KCTD8: variants seen among roughly 807,000 people sequenced by gnomAD.
The protein encoded by KCTD8 is potassium channel tetramerization domain containing 8, also known as BTB/POZ domain-containing protein KCTD8.
In KCTD8, 27 loss-of-function variants were observed where a neutral mutation model predicts 31.5. That is an observed-to-expected ratio of 0.86 (90% CI 0.63 to 1.18). The LOEUF is 1.18. KCTD8 is among the 50% of genes most tolerant of loss of function. KCTD8 has a pLI of 0.00. For synonymous variants in KCTD8, 290 were observed against 280.0 expected, an observed-to-expected ratio of 1.04 and a Z score of -0.36; for missense variants, 658 against 647.7, an observed-to-expected ratio of 1.02 and a Z score of -0.17.
chr4:44,341,856 C>G (rs191314770), intron 1 of KCTD8, among the ~76,000 whole-genome samples: 1 of 152,136 alleles, frequency 6.6e-6, no homozygotes, highest in Non-Finnish European at 1.5e-5. Flanking sequence ...AATGGCAAAT[C>G]CTTTCCAGAA....
chr4:44,289,171 T>C (rs1046602656), intron 1 of KCTD8, among the ~76,000 whole-genome samples: 3 of 151,582 alleles, frequency 2.0e-5, no homozygotes, highest in Non-Finnish European at 4.4e-5. Flanking sequence ...TTCATATGTA[T>C]GTAATTCATT....
At chr4:44,369,230 C>CT (rs1719720362) in intron 1 of KCTD8, among the ~76,000 whole-genome samples, 1 of 152,142 alleles carries the variant, frequency 6.6e-6, no homozygotes, top group African/African-American at 2.4e-5. Flanking sequence ...ATTTAAATTC[C>CT]TTTAAGATTA....
At chr4:44,323,367 G>A (rs919199574) in intron 1 of KCTD8, among the ~76,000 whole-genome samples, 17 of 151,510 alleles carry the variant, frequency 1.1e-4, no homozygotes, top group African/African-American at 1.7e-4. Context: ...AGTGGCTGGC[G>A]CCTGTAATCC....
At chr4:44,356,098 G>C (rs1012001448) in intron 1 of KCTD8, among the ~76,000 whole-genome samples, 4 of 152,070 alleles carry the variant, frequency 2.6e-5, no homozygotes. Context: ...CCTCATACTT[G>C]AGTATACTTC....
At chr4:44,411,812 C>T (rs1720965401) in intron 1 of KCTD8, among the ~76,000 whole-genome samples, 1 of 151,942 alleles carries the variant, frequency 6.6e-6, no homozygotes, top group African/African-American at 2.4e-5. Flanking sequence ...CAAGGAATGC[C>T]AAGGATTGAC....
chr4:44,339,673 C>A (rs1718845299), intron 1 of KCTD8, among the ~76,000 whole-genome samples: 1 of 152,064 alleles, frequency 6.6e-6, no homozygotes, highest in Admixed American at 6.6e-5. Context: ...GATTTTATAA[C>A]TTTCAACCAG....
At chr4:44,201,607 A>G (rs1400700652) in intron 1 of KCTD8, among the ~76,000 whole-genome samples, 1 of 152,062 alleles carries the variant, frequency 6.6e-6, no homozygotes, top group Non-Finnish European at 1.5e-5. Context: ...TTACATGGAG[A>G]ATTACATTGG....
chr4:44,360,380 A>T (rs1440253362), intron 1 of KCTD8, among the ~76,000 whole-genome samples: 3 of 152,098 alleles, frequency 2.0e-5, no homozygotes, highest in Non-Finnish European at 4.4e-5. Flanking sequence ...AGTGCCATCC[A>T]GGGTAAATAA....
At chr4:44,211,596 T>A (rs1260789189) in intron 1 of KCTD8, among the ~76,000 whole-genome samples, 1 of 152,150 alleles carries the variant, frequency 6.6e-6, no homozygotes, top group Non-Finnish European at 1.5e-5. Context: ...AGCTTCCAGT[T>A]TTTTGTTATT....
intron 1 of KCTD8, among the ~76,000 whole-genome samples, chr4:44,318,414 G>A (rs1718201494): frequency 6.6e-6 from 1 of 152,134 alleles, no homozygotes. Context: ...TGAAATTTCT[G>A]ATGGGTCTAT....
intron 1 of KCTD8, among the ~76,000 whole-genome samples, chr4:44,265,383 A>T (rs1361791899): frequency 2.0e-5 from 3 of 152,102 alleles, no homozygotes; most frequent in Non-Finnish European, 2.9e-5. Context: ...CACACCAAAA[A>T]CCCATCTGTA....
At chr4:44,385,862 TA>T (rs1055217016) in intron 1 of KCTD8, among the ~76,000 whole-genome samples, 5 of 151,382 alleles carry the variant, frequency 3.3e-5, no homozygotes, top group Non-Finnish European at 1.5e-5. Context: ...AAACAACTAT[TA>T]AAAAAACTTG....
chr4:44,391,983 T>A (rs1010625863), intron 1 of KCTD8, among the ~76,000 whole-genome samples: 1 of 151,970 alleles, frequency 6.6e-6, no homozygotes, highest in Non-Finnish European at 1.5e-5. Context: ...AAGTCCTATA[T>A]GAAACTTCAG....
At chr4:44,308,118 A>G (rs998342016) in intron 1 of KCTD8, among the ~76,000 whole-genome samples, 4 of 152,046 alleles carry the variant, frequency 2.6e-5, no homozygotes, top group Admixed American at 6.6e-5. Context: ...TCCTTTATAT[A>G]GAATCCAGTG....
At chr4:44,197,986 C>A (rs1222868207) in intron 1 of KCTD8, among the ~76,000 whole-genome samples, 2 of 152,070 alleles carry the variant, frequency 1.3e-5, no homozygotes, top group Non-Finnish European at 2.9e-5. Context: ...TTGAAGAATT[C>A]ACTTAAAAAA....
At chr4:44,220,724 A>AT (rs1345398433) in intron 1 of KCTD8, among the ~76,000 whole-genome samples, 1 of 152,174 alleles carries the variant, frequency 6.6e-6, no homozygotes, top group Non-Finnish European at 1.5e-5. Context: ...GTTTAGGGGT[A>AT]TTTAGGGTAA....
intron 1 of KCTD8, among the ~76,000 whole-genome samples, chr4:44,342,653 T>C (rs1718933387): frequency 6.6e-6 from 1 of 152,226 alleles, no homozygotes; most frequent in African/African-American, 2.4e-5. Flanking sequence ...TTCTCCTTCC[T>C]AGCTATGAAA....
At chr4:44,258,021 A>G (rs1294369237) in intron 1 of KCTD8, among the ~76,000 whole-genome samples, 1 of 151,974 alleles carries the variant, frequency 6.6e-6, no homozygotes, top group African/African-American at 2.4e-5. Flanking sequence ...TTTTAGTTAA[A>G]CAAAATATAT....
At chr4:44,213,237 T>TC (rs1483428247) in intron 1 of KCTD8, among the ~76,000 whole-genome samples, 3 of 152,104 alleles carry the variant, frequency 2.0e-5, no homozygotes, top group African/African-American at 7.2e-5. Context: ...TGCCCAGCCT[T>TC]CTTTTTTTTA....
Sources: gnomAD v4.1 joint callset for allele counts (sites outside exome capture counted in the v4.1 genomes callset) on GRCh38, gnomAD v4.1.1 for gene constraint, MANE v1.5 for transcripts, NCBI Gene and HGNC (gene_info 2026-07-23, HGNC 2026-07-21) for gene names.